CNTNAP3: variants seen among roughly 807,000 people sequenced by gnomAD.
CNTNAP3 encodes contactin-associated protein-like 3.
In CNTNAP3, 36 loss-of-function variants were observed where a neutral mutation model predicts 92.1. The ratio of observed to expected loss-of-function variants is 0.39; its 90% CI spans 0.30 to 0.52. The LOEUF is 0.52. CNTNAP3 is among the 20% of genes least tolerant of loss of function. The probability of loss-of-function intolerance (pLI) is 0.76; values close to 1 mark genes in which losing one functional copy is unlikely to be tolerated. For missense variants in CNTNAP3, 534 were observed against 1,069.6 expected, an observed-to-expected ratio of 0.50 and a Z score of 6.98; for synonymous variants, 232 against 422.3, an observed-to-expected ratio of 0.55 and a Z score of 5.53.
intron 21 of CNTNAP3, among the ~76,000 whole-genome samples, chr9:39,081,630 T>C (rs1825937605): frequency 6.6e-6 from 1 of 151,682 alleles, no homozygotes. Flanking sequence ...TGAGATAGGG[T>C]TGTCTTCCCA....
At chr9:39,120,737 G>C (rs189508837) in intron 13 of CNTNAP3, among the ~76,000 whole-genome samples, 196 of 152,210 alleles carry the variant, frequency 1.3e-3, no homozygotes, top group African/African-American at 4.5e-3. Flanking sequence ...GTCGCTAGCA[G>C]ACATTCCCTA....
rs1469946626 is a variant in CNTNAP3, at chr9:39,065,820, AGTT to A, written c.*8067_*8069del. Among the ~76,000 whole-genome samples the A allele has an allele frequency of 2.6e-5, 4 of 152,004 alleles. No individual in the cohort carries two copies. The highest frequency in any genetic ancestry group is 9.7e-5 in the African/African-American group (4 of 41,374). The stretch of plus-strand genomic sequence containing the variant: ...TTCATTTTATTTTTGCTAATTATTG[AGTT>A]GTTAAGAGTTCTTTATGAACTATAT... On this transcript the variant is annotated 3_prime_UTR_variant, in exon 24 of 24. Transcript: ENST00000297668.
intron 13 of CNTNAP3, among the ~76,000 whole-genome samples, chr9:39,132,296 A>G (rs534291326): frequency 1.1e-4 from 17 of 152,264 alleles, no homozygotes; most frequent in Admixed American, 3.3e-4. Flanking sequence ...AGGAGGGGGA[A>G]GTTGGTCTTT....
chr9:39,109,798 G>C (rs1236154930), intron 14 of CNTNAP3, among the ~76,000 whole-genome samples: 2 of 152,134 alleles, frequency 1.3e-5, no homozygotes, highest in South Asian at 2.1e-4. Context: ...AATGATTACA[G>C]AGAAGGGGAA....
Position 39,066,948 on chromosome 9 carries a change from C to A in CNTNAP3, c.*6942G>T, listed in dbSNP as rs1185623380. On this transcript the variant is annotated 3_prime_UTR_variant, in exon 24 of 24. Transcript: ENST00000297668. ...ATTTTTAAAAATATTTTTTTCTATCCATCCACTCTCTTTTCTCCTTTGAGA... is the reference window on the plus strand; with the variant it reads ...ATTTTTAAAAATATTTTTTTCTATCAATCCACTCTCTTTTCTCCTTTGAGA... Among the ~76,000 whole-genome samples the A allele has an allele frequency of 6.6e-6, 1 of 152,232 alleles. No individual in the cohort carries two copies. The highest frequency in any genetic ancestry group is 2.4e-5 in the African/African-American group (1 of 41,464).
At chr9:39,123,501 T>C (rs1230174582) in intron 13 of CNTNAP3, among the ~76,000 whole-genome samples, 1 of 151,878 alleles carries the variant, frequency 6.6e-6, no homozygotes, top group East Asian at 1.9e-4. Flanking sequence ...ATAATGACAG[T>C]TGAGAATGTT....
chr9:39,074,978 T>C (rs1463420848), intron 23 of CNTNAP3, among the ~76,000 whole-genome samples: 59 of 151,658 alleles, frequency 3.9e-4, no homozygotes, highest in African/African-American at 1.4e-3. Flanking sequence ...CCGTGTTAGC[T>C]AGGATGGTCT....
chr9:39,124,005 A>G (rs1210883266), intron 13 of CNTNAP3, among the ~76,000 whole-genome samples: 4 of 152,168 alleles, frequency 2.6e-5, no homozygotes, highest in African/African-American at 9.7e-5. Context: ...GGAGCATTAG[A>G]GAAGAAAAAA....
In CNTNAP3 at chr9:39,238,553, A is replaced by AC. The variant is rs1822745942; in HGVS notation, c.390+439_390+440insG. On this transcript the variant is annotated intron_variant, in intron 3 of 23. Transcript: ENST00000297668. ...AAAATAAAAAAAAAACAAAAAACAA[A>AC]AAAAAAAAAAACAAGAAAAACTAAA... 3.8e-4 allele frequency among the ~76,000 whole-genome samples: 2 copies of AC among 5,274 alleles called. 1 individual carries two copies. Among genetic ancestry groups the AC allele is most frequent in the African/African-American group, 4.0e-4 (2 of 4,956 alleles). The allele number at this position is 5,274 out of a possible 152,430, so 3.5% of individuals were successfully genotyped here. A position where few individuals can be genotyped will look rare whatever the true frequency, so the allele number is the denominator to read the frequency against.
At chr9:39,141,129 T>C (rs1036165282) in intron 11 of CNTNAP3, among the ~76,000 whole-genome samples, 2 of 152,192 alleles carry the variant, frequency 1.3e-5, no homozygotes, top group African/African-American at 4.8e-5. Context: ...GAGGAAAACT[T>C]TGTGAATCTG....
At chr9:39,129,698 C>A (rs1300265312) in intron 13 of CNTNAP3, among the ~76,000 whole-genome samples, 2 of 151,820 alleles carry the variant, frequency 1.3e-5, no homozygotes, top group Non-Finnish European at 2.9e-5. Context: ...AATAGGCAAG[C>A]AACAGAGTGG....
intron 14 of CNTNAP3, among the ~76,000 whole-genome samples, chr9:39,113,054 G>A (rs1306038572): frequency 1.3e-5 from 2 of 152,030 alleles, no homozygotes; most frequent in African/African-American, 4.8e-5. Context: ...GATATTTTGG[G>A]CTAATTTTTT....
intron 13 of CNTNAP3, among the ~76,000 whole-genome samples, chr9:39,119,983 A>T (rs59042523): frequency 6.6e-6 from 1 of 152,354 alleles, no homozygotes; most frequent in African/African-American, 2.4e-5. Flanking sequence ...CCTATCAGAC[A>T]ATATCATCCG....
rs893439713 is a variant in CNTNAP3 at position 39,140,665 on chromosome 9, C to T, written c.1757-27G>A. 1.5e-5 allele frequency: 24 copies of T among 1,562,562 alleles called. No individual in the cohort carries two copies. The African/African-American group carries it at 2.8e-4, about 18-fold the overall frequency. ...TGTAGGAGAACACCAGCCATAAGAA[C>T]CAGAAAAAATATCTCCAGATGTTGA... On this transcript the variant is annotated intron_variant, in intron 11 of 23. Transcript: ENST00000297668.
chr9:39,086,375 G>C (rs56196481), intron 20 of CNTNAP3: 16 of 282,648 alleles, frequency 5.7e-5, no homozygotes, highest in Admixed American at 1.4e-4. Context: ...TCCCACTGCA[G>C]TATCAATGAA....
At chr9:39,148,804 C>T (rs955968666) in intron 10 of CNTNAP3, among the ~76,000 whole-genome samples, 1 of 152,292 alleles carries the variant, frequency 6.6e-6, no homozygotes, top group South Asian at 2.1e-4. Context: ...GGATTACAGG[C>T]GTGAGCCACG....
chr9:39,086,739 C>T lies in CNTNAP3; in HGVS notation c.3331G>A (p.Glu1111Lys), dbSNP rs775778547. The T allele has an allele frequency of 1.6e-5, 26 of 1,610,846 alleles. No individual in the cohort carries two copies. Among genetic ancestry groups the T allele is most frequent in the Non-Finnish European group, 2.0e-5 (24 of 1,179,620 alleles). The change falls in exon 20 of 24, where the codon GAA (glutamate) becomes AAA (lysine). Residue 1111 changes from glutamate (E) to lysine (K), a missense_variant. Glu to Lys is a moderately conservative substitution (Grantham distance 56). Transcript: ENST00000297668. ...GQLHQVKINR[E>K]EAVVMVEVNQ... ...ACCTCTACCATGACCACAGCTTCTT[C>T]TCTGTTAATCTTCACTTGGTGAAGT...
At chr9:39,123,008 G>T (rs1821068664) in intron 13 of CNTNAP3, among the ~76,000 whole-genome samples, 1 of 151,310 alleles carries the variant, frequency 6.6e-6, no homozygotes, top group Non-Finnish European at 1.5e-5. Flanking sequence ...TGAGTTTGAA[G>T]ATACGTCAAT....
At chr9:39,142,390 C>T (rs928423715) in intron 11 of CNTNAP3, among the ~76,000 whole-genome samples, 12 of 152,100 alleles carry the variant, frequency 7.9e-5, no homozygotes, top group Middle Eastern at 3.4e-3. Context: ...TGTGTCACAG[C>T]GGCTGGGCAT....
Sources: gnomAD v4.1 joint callset for allele counts (sites outside exome capture counted in the v4.1 genomes callset) on GRCh38, gnomAD v4.1.1 for gene constraint, MANE v1.5 for transcripts, NCBI Gene and HGNC (gene_info 2026-07-23, HGNC 2026-07-21) for gene names.